Variants in ANXA8 observed in about 807,000 individuals in gnomAD.
The protein encoded by ANXA8 is VAC-beta.
Under a neutral mutation model 26.8 loss-of-function variants are expected in ANXA8, and 9 were observed. The ratio of observed to expected loss-of-function variants is 0.34; its 90% CI spans 0.20 to 0.59. The LOEUF is 0.59. Ranked by LOEUF, ANXA8 falls within the 20% of genes least tolerant of loss-of-function variation. The pLI is 0.84. For missense variants in ANXA8, 83 were observed against 238.5 expected (o/e 0.35, Z 4.29); for synonymous variants, 39 against 94.8 (o/e 0.41, Z 3.42).
chr10:47,727,358 A>G, the ANXA8 span, among the ~76,000 whole-genome samples: 7 of 152,250 alleles, frequency 4.6e-5, no homozygotes, highest in African/African-American at 9.6e-5. Context: ...CAAAGATAAT[A>G]TATTTGTCAG....
At chr10:47,503,932 T>G in the ANXA8 span, among the ~76,000 whole-genome samples, 1 of 28,532 alleles carries the variant, frequency 3.5e-5, no homozygotes, top group Non-Finnish European at 5.2e-5. Flanking sequence ...AGAAAGAGAG[T>G]CCATCAAAAA....
At chr10:47,949,307 G>A in the ANXA8 span, among the ~76,000 whole-genome samples, 2,543 of 139,984 alleles carry the variant, frequency 0.018, 12 homozygotes, top group African/African-American at 0.077. Flanking sequence ...GCATGATCTA[G>A]CAATAAAGAT....
chr10:47,595,266 G>A, the ANXA8 span, among the ~76,000 whole-genome samples: 6 of 148,160 alleles, frequency 4.0e-5, no homozygotes, highest in South Asian at 1.3e-3. Flanking sequence ...GCTTAAGGGA[G>A]TTCTAAATGT....
the ANXA8 span, among the ~76,000 whole-genome samples, chr10:47,684,163 C>CT: frequency 6.6e-6 from 1 of 152,018 alleles, no homozygotes. Context: ...TCTTAATGAC[C>CT]TTTAACCCTC....
chr10:47,650,340 C>T, the ANXA8 span, among the ~76,000 whole-genome samples: 1 of 146,118 alleles, frequency 6.8e-6, no homozygotes, highest in Non-Finnish European at 1.5e-5. Flanking sequence ...AGCCACTGCA[C>T]CTGGCCAAAA....
the ANXA8 span, among the ~76,000 whole-genome samples, chr10:47,733,187 T>TTCTCTCTCTCTCTCTCTC: frequency 1.1e-5 from 1 of 94,222 alleles, no homozygotes; most frequent in African/African-American, 3.3e-5. Context: ...CTTTCTTTCT[T>TTCTCTCTCTCTCTCTCTC]TCTTTCTTTC....
At chr10:47,485,471 C>T (rs1260007192), upstream of ANXA8, among the ~76,000 whole-genome samples, 3 of 151,968 alleles carry the variant, frequency 2.0e-5, no homozygotes, top group Non-Finnish European at 4.4e-5. Context: ...AAGTGGCAAG[C>T]GTTCCAAAGC....
At chr10:47,624,103 A>G in the ANXA8 span, among the ~76,000 whole-genome samples, 3 of 104,754 alleles carry the variant, frequency 2.9e-5, 1 homozygote, top group Non-Finnish European at 4.1e-5. Flanking sequence ...TTAGCCGGGC[A>G]TGGTGGCAGG....
chr10:47,749,674 G>T, the ANXA8 span, among the ~76,000 whole-genome samples: 42 of 151,200 alleles, frequency 2.8e-4, no homozygotes, highest in African/African-American at 9.5e-4. Context: ...CCAATGGTAG[G>T]GGGGGAAACG....
the ANXA8 span, among the ~76,000 whole-genome samples, chr10:47,951,002 A>G: frequency 6.6e-6 from 1 of 150,856 alleles, no homozygotes; most frequent in South Asian, 2.1e-4. Flanking sequence ...AGGAATAATA[A>G]AGAAAGTCAA....
the ANXA8 span, among the ~76,000 whole-genome samples, chr10:47,952,495 T>C: frequency 1.3e-5 from 2 of 149,630 alleles, no homozygotes; most frequent in South Asian, 4.2e-4. Context: ...ATTATATAAA[T>C]AATACTGTCT....
chr10:47,613,702 T>C, the ANXA8 span, among the ~76,000 whole-genome samples: 11 of 72,798 alleles, frequency 1.5e-4, no homozygotes, highest in African/African-American at 4.4e-4. Context: ...AAGACAATAT[T>C]TCCATGGACA....
At chr10:47,735,245 G>T in the ANXA8 span, among the ~76,000 whole-genome samples, 125 of 139,486 alleles carry the variant, frequency 9.0e-4, 5 homozygotes, top group Middle Eastern at 0.011. Flanking sequence ...GACTATAAGG[G>T]CAGACCACAA....
the ANXA8 span, among the ~76,000 whole-genome samples, chr10:47,561,468 T>G: frequency 6.6e-6 from 1 of 151,922 alleles, no homozygotes; most frequent in Admixed American, 6.6e-5. Flanking sequence ...TCAAAGAAAC[T>G]TATTCCTCCT....
chr10:47,714,522 G>T, the ANXA8 span, among the ~76,000 whole-genome samples: 135 of 85,414 alleles, frequency 1.6e-3, no homozygotes, highest in African/African-American at 5.9e-3. Context: ...TGATAATACA[G>T]ATAAGTTGAA....
the ANXA8 span, among the ~76,000 whole-genome samples, chr10:47,660,087 GA>G: frequency 6.8e-6 from 1 of 147,138 alleles, no homozygotes; most frequent in Non-Finnish European, 1.5e-5. Flanking sequence ...ATAGTGTTGT[GA>G]CCTTAGGCAA....
At chr10:47,708,503 A>G in the ANXA8 span, among the ~76,000 whole-genome samples, 3 of 142,056 alleles carry the variant, frequency 2.1e-5, 1 homozygote, top group Non-Finnish European at 4.7e-5. Flanking sequence ...GGTGACAACA[A>G]TACACACTGG....
At chr10:47,745,766 C>G in the ANXA8 span, among the ~76,000 whole-genome samples, 6 of 135,748 alleles carry the variant, frequency 4.4e-5, no homozygotes, top group Non-Finnish European at 6.5e-5. Flanking sequence ...AATTCTTCAC[C>G]CCTCCCTGTG....
At chr10:47,563,696 CT>C in the ANXA8 span, 1 of 801,656 alleles carries the variant, frequency 1.2e-6, no homozygotes, top group Non-Finnish European at 2.3e-6. Context: ...TAGGTGATCG[CT>C]TTTCTTGCTA....
Sources: gnomAD v4.1 joint callset for allele counts (sites outside exome capture counted in the v4.1 genomes callset) on GRCh38, gnomAD v4.1.1 for gene constraint, MANE v1.5 for transcripts, NCBI Gene and HGNC (gene_info 2026-07-23, HGNC 2026-07-21) for gene names.